The following NREP variants were observed in gnomAD, a reference collection of about 807,000 sequenced individuals.
NREP encodes neuronal regeneration-related protein.
NREP carries 5 observed loss-of-function variants against 8.6 expected under a neutral mutation model. That is an observed-to-expected ratio of 0.58 (90% CI 0.30 to 1.22). NREP has a LOEUF of 1.22. Ranked by LOEUF, NREP falls within the 50% of genes most tolerant of loss-of-function variation. The pLI is 0.07. For synonymous variants in NREP, 27 were observed against 28.0 expected, an observed-to-expected ratio of 0.96 and a Z score of 0.11; for missense variants, 86 against 82.5, an observed-to-expected ratio of 1.04 and a Z score of -0.17.
chr5:111,745,320 G>A (rs1469695679), intron 2 of NREP, among the ~76,000 whole-genome samples: 1 of 152,198 alleles, frequency 6.6e-6, no homozygotes, highest in East Asian at 1.9e-4. Flanking sequence ...TACAGTCCTG[G>A]AGGAAAGACC....
intron 2 of NREP, among the ~76,000 whole-genome samples, chr5:111,784,018 A>C (rs990874963): frequency 6.6e-6 from 1 of 152,182 alleles, no homozygotes; most frequent in Non-Finnish European, 1.5e-5. Flanking sequence ...TTTGCTTTTC[A>C]TTTAATCACA....
At position 111,918,555 on chromosome 5, in the gene NREP, C is replaced by CACACATCT. The variant is rs558665009; in HGVS notation, c.135+56711_135+56718dup. On this transcript the variant is annotated intron_variant, in intron 2 of 3. Coordinates refer to the NREP transcript ENST00000395634. ...ACAACAGAGGCCTCAGAAATAACACCACACATCTACAACCATCTGATTTTT... is the reference window on the plus strand; with the variant it reads ...ACAACAGAGGCCTCAGAAATAACACCACACATCTACACATCTACAACCATCTGATTTTT... 4.6e-3 allele frequency among the ~76,000 whole-genome samples: 702 copies of CACACATCT among 152,176 alleles called. 7 individuals are homozygous for CACACATCT. Among genetic ancestry groups the CACACATCT allele is most frequent in the Non-Finnish European group, 3.2e-3 (218 of 68,002 alleles).
At chr5:111,864,528 G>C (rs530588236) in intron 2 of NREP, among the ~76,000 whole-genome samples, 14 of 152,184 alleles carry the variant, frequency 9.2e-5, no homozygotes, top group African/African-American at 2.9e-4. Context: ...TAATGAAAAA[G>C]CAGATAGACA....
At chr5:111,869,007 G>A (rs1201280848) in intron 2 of NREP, among the ~76,000 whole-genome samples, 2 of 152,158 alleles carry the variant, frequency 1.3e-5, no homozygotes, top group Admixed American at 1.3e-4. Context: ...GTGGCTAATA[G>A]CCATTGTATT....
chr5:111,743,849 G>A (rs1749831566), intron 2 of NREP, among the ~76,000 whole-genome samples: 1 of 152,078 alleles, frequency 6.6e-6, no homozygotes, highest in Non-Finnish European at 1.5e-5. Context: ...TAGTCACCAA[G>A]AATGCTATGT....
At chr5:111,729,165 G>A (rs1333247373), downstream of NREP, 1 of 152,202 alleles carries the variant, frequency 6.6e-6, no homozygotes, top group African/African-American at 2.4e-5. Context: ...ATGAAAGGCA[G>A]AGCTGATTCT....
upstream of NREP, chr5:111,757,844 T>C: frequency 1.0e-6 from 1 of 972,282 alleles, no homozygotes. Context: ...GGAGGCGGTT[T>C]GGGGGCGCGC....
intron 2 of NREP, among the ~76,000 whole-genome samples, chr5:111,783,020 A>T (rs1751529629): frequency 6.6e-6 from 1 of 152,102 alleles, no homozygotes; most frequent in South Asian, 2.1e-4. Flanking sequence ...GGTGTGAGTC[A>T]CTGTGCCTGG....
intron 2 of NREP, among the ~76,000 whole-genome samples, chr5:111,825,738 TA>T (rs1316683622): frequency 6.6e-6 from 1 of 152,122 alleles, no homozygotes; most frequent in Non-Finnish European, 1.5e-5. Context: ...TGCTTAGGTA[TA>T]AACACAACTA....
At chr5:111,734,545 C>T in intron 3 of NREP, 1 of 441,134 alleles carries the variant, frequency 2.3e-6, no homozygotes, top group Non-Finnish European at 4.0e-6. Flanking sequence ...TGCAAACTGC[C>T]AGTTGATACA....
chr5:111,762,457 A>G (rs1216630750), upstream of NREP, among the ~76,000 whole-genome samples: 1 of 145,986 alleles, frequency 6.8e-6, no homozygotes, highest in Non-Finnish European at 1.5e-5. Flanking sequence ...CTCCCCCCAC[A>G]CACCACCCCC....
intron 2 of NREP, among the ~76,000 whole-genome samples, chr5:111,828,309 G>A (rs954734872): frequency 6.6e-6 from 1 of 152,154 alleles, no homozygotes; most frequent in Non-Finnish European, 1.5e-5. Flanking sequence ...GATTACAGGC[G>A]TGAGACACCG....
At chr5:111,970,825 C>CAAAAAAAAAAAAAAAAA (rs33962098) in intron 2 of NREP, among the ~76,000 whole-genome samples, 54 of 53,528 alleles carry the variant, frequency 1.0e-3, no homozygotes, top group East Asian at 1.3e-3. Flanking sequence ...GACTCCATCT[C>CAAAAAAAAAAAAAAAAA]AAAAAAAAAA....
At chr5:111,865,421 C>G (rs1022303372) in intron 2 of NREP, among the ~76,000 whole-genome samples, 1 of 152,124 alleles carries the variant, frequency 6.6e-6, no homozygotes, top group African/African-American at 2.4e-5. Context: ...AGCTCTTCAA[C>G]TGCTAAAGCC....
chr5:111,761,448 T>C (rs1455710201), upstream of NREP, among the ~76,000 whole-genome samples: 1 of 152,214 alleles, frequency 6.6e-6, no homozygotes, highest in African/African-American at 2.4e-5. Flanking sequence ...AGTTTAGGCA[T>C]CACCACCTTT....
intron 2 of NREP, among the ~76,000 whole-genome samples, chr5:111,879,434 G>A (rs939848125): frequency 6.6e-6 from 1 of 152,320 alleles, no homozygotes; most frequent in South Asian, 2.1e-4. Flanking sequence ...CAAAATTGCA[G>A]TATGTTAAGT....
chr5:111,766,803 C>T (rs1306350274), intron 2 of NREP, among the ~76,000 whole-genome samples: 1 of 152,108 alleles, frequency 6.6e-6, no homozygotes, highest in East Asian at 1.9e-4. Context: ...GCCAAAGGCC[C>T]AAGAAAGGGT....
chr5:111,907,386 TTA>T (rs1445515131), intron 2 of NREP, among the ~76,000 whole-genome samples: 1 of 152,110 alleles, frequency 6.6e-6, no homozygotes, highest in Non-Finnish European at 1.5e-5. Flanking sequence ...ATGTCTAGAT[TTA>T]TACCTATGCA....
At position 111,881,098 on chromosome 5, in the gene NREP, C is replaced by A. The variant is rs2112514136; in HGVS notation, c.135+94176G>T. On this transcript the variant is annotated intron_variant, in intron 2 of 3. Transcript: ENST00000395634. ...CAAAGAAAGTGGTGACAGACGGCAC[C>A]TGGAAAATTGGGTTACTCCCACTCT... 2.6e-5 allele frequency among the ~76,000 whole-genome samples: 4 copies of A among 152,052 alleles called. No homozygotes were observed. The East Asian group carries it at 7.7e-4, about 29-fold the overall frequency.
Sources: gnomAD v4.1 joint callset for allele counts (sites outside exome capture counted in the v4.1 genomes callset) on GRCh38, gnomAD v4.1.1 for gene constraint, MANE v1.5 for transcripts, NCBI Gene and HGNC (gene_info 2026-07-23, HGNC 2026-07-21) for gene names.